Variants in DCAF11 observed in about 807,000 individuals in gnomAD.
DCAF11 encodes DDB1 and CUL4 associated factor 11, also known as DDB1- and CUL4-associated factor 11.
Under a neutral mutation model 76.1 loss-of-function variants are expected in DCAF11, and 44 were observed. The ratio of observed to expected loss-of-function variants is 0.58; its 90% CI spans 0.45 to 0.74. The LOEUF (loss-of-function observed/expected upper bound fraction) is 0.74. DCAF11 is among the 30% of genes least tolerant of loss of function. DCAF11 has a pLI of 0.00. For missense variants in DCAF11, 604 were observed against 709.4 expected, an observed-to-expected ratio of 0.85 and a Z score of 1.69; for synonymous variants, 258 against 255.0, an observed-to-expected ratio of 1.01 and a Z score of -0.11.
chr14:24,119,969 T>C, intron 11 of DCAF11, 73 bp downstream of exon 11: 1 of 1,469,432 alleles, frequency 6.8e-7, no homozygotes, highest in Non-Finnish European at 9.0e-7. Context: ...GAAAGCGGAC[T>C]GGTGTGGGAA....
chr14:24,115,993 A>C (rs1300502118), intron 2 of DCAF11, among the ~76,000 whole-genome samples: 1 of 151,370 alleles, frequency 6.6e-6, no homozygotes, highest in Non-Finnish European at 1.5e-5. Context: ...TATTCAAGGG[A>C]GCCTGTCTCT....
chr14:24,114,843 G>A lies in DCAF11; in HGVS notation c.-664G>A. On this transcript the variant is annotated 5_prime_UTR_variant, in exon 1 of 15. Transcript: ENST00000446197. ...CGTGACGAGCGAAGCGCGTGACGGA[G>A]GAGCGGTTGGCCAACGCAGTGGCGG... 3 of 985,972 alleles carry A rather than the reference G, an allele frequency of 3.0e-6. No homozygotes were observed. The South Asian group carries it at 1.4e-4, about 46-fold the overall frequency. 61.1% of individuals were successfully genotyped at this position (985,972 alleles called of 1,614,324 possible).
In DCAF11 at chr14:24,117,597, G is replaced by C. The variant is rs1344109842; in HGVS notation, c.412-71G>C. The C allele has an allele frequency of 2.6e-6, 4 of 1,565,044 alleles. No individual in the cohort carries two copies. Among genetic ancestry groups the C allele is most frequent in the South Asian group, 1.1e-5 (1 of 89,372 alleles). Reference sequence around the variant, plus strand: ...CTATAACAAGAGCAATATCTTTGGAGGAGGGGGCTTGATATGGCTGAAGTG... The same window carrying C: ...CTATAACAAGAGCAATATCTTTGGACGAGGGGGCTTGATATGGCTGAAGTG... On this transcript the variant is annotated intron_variant, in intron 4 of 14. Coordinates refer to ENST00000446197, the MANE Select transcript of DCAF11 (RefSeq NM_025230.5). This position sits in a 1 kb window ranked among gnomAD's most constrained non-coding sequence, Gnocchi z 4.3.
Position 24,118,408 on chromosome 14 carries a change from G to T in DCAF11, c.598G>T (p.Asp200Tyr). The T allele has an allele frequency of 6.2e-7, 1 of 1,614,218 alleles. No individual in the cohort carries two copies. The highest frequency in any genetic ancestry group is 8.5e-7 in the Non-Finnish European group (1 of 1,180,040). Residue 200 changes from aspartate to tyrosine, a missense_variant, in exon 7 of 15, where the codon GAC becomes TAC. Coordinates refer to ENST00000446197, the MANE Select transcript of DCAF11 (RefSeq NM_025230.5). ...CACAGACCAGACAATCCGACTCTAT[G>T]ACTGCCGATATGGCCGTTTCCGTAA... ...ACQDQTIRLY[D>Y]CRYGRFRKFK...
In DCAF11 at chr14:24,122,844, G is replaced by A. The variant is rs528739333; in HGVS notation, c.1400-127G>A. On this transcript the variant is annotated intron_variant, in intron 13 of 14. Coordinates refer to ENST00000446197, the MANE Select transcript of DCAF11 (RefSeq NM_025230.5). ...AGAAATAACACAGTCTTCTGGTGTG[G>A]GCTTTGCTCCCATGGGAACATGGGA... is the stretch of plus-strand genomic sequence containing the variant. 281 of 750,156 alleles carry A rather than the reference G, an allele frequency of 3.7e-4. No individual in the cohort carries two copies. The African/African-American group carries it at 4.3e-3, about 11-fold the overall frequency. 46.5% of individuals were successfully genotyped at this position (750,156 alleles called of 1,614,324 possible).
chr14:24,118,738 T>C lies in DCAF11; in HGVS notation c.725-12T>C. 1 of 1,614,038 alleles carries C rather than the reference T, an allele frequency of 6.2e-7. No homozygotes were observed. Among genetic ancestry groups the C allele is most frequent in the Non-Finnish European group, 8.5e-7 (1 of 1,179,954 alleles). ...ATCCCTGAAAGATTCTTGTTTTTCT[T>C]GCTTCTCTTAGTTCATATCTGCAAT... On this transcript the variant is annotated splice_polypyrimidine_tract_variant and intron_variant, in intron 7 of 14. Transcript: ENST00000446197.
rs200456732 is a variant in DCAF11 at position 24,123,258 on chromosome 14, C to G, written c.1590C>G (p.Ser530Arg). ...TGCCAGAATCTGAGGAATGTGCCAG[C>G]GCCCCTGCCCCAGTGCCCCAATCCT... ...DDMPESEECA[S>R]APAPVPQSST... Residue 530 changes from serine to arginine, a missense_variant, in exon 15 of 15, where the codon AGC (serine) becomes AGG (arginine). Ser to Arg is a moderately radical substitution (Grantham distance 110). Coordinates refer to ENST00000446197, the MANE Select transcript of DCAF11 (RefSeq NM_025230.5). 1.9e-5 allele frequency: 29 copies of G among 1,561,968 alleles called. No homozygotes were observed. The highest frequency in any genetic ancestry group is 2.5e-5 in the Non-Finnish European group (29 of 1,152,626).
chr14:24,118,117 A>C lies in DCAF11; in HGVS notation c.539A>C (p.Tyr180Ser). Reference sequence around the variant, plus strand: ...TCTCAGAAGGCTTTCTGTGGCATCTACAGCAAAGATGGTCAAATATTCATG... The same window carrying C: ...TCTCAGAAGGCTTTCTGTGGCATCTCCAGCAAAGATGGTCAAATATTCATG... ...SYSQKAFCGI[Y>S]SKDGQIFMSA... The change falls in exon 6 of 15, where the codon TAC becomes TCC. Residue 180 changes from tyrosine (Y) to serine (S), a missense_variant. Coordinates refer to ENST00000446197, the MANE Select transcript of DCAF11 (RefSeq NM_025230.5). 6.2e-7 allele frequency: 1 copy of C among 1,613,156 alleles called. No individual in the cohort carries two copies. The highest frequency in any genetic ancestry group is 8.5e-7 in the Non-Finnish European group (1 of 1,179,712).
intron 11 of DCAF11, among the ~76,000 whole-genome samples, chr14:24,120,495 T>C (rs1236049383): frequency 2.6e-5 from 4 of 151,892 alleles, no homozygotes; most frequent in Non-Finnish European, 5.9e-5. Context: ...AGGCGGAGCT[T>C]GCAGTGAGCC....
Position 24,116,923 on chromosome 14 carries a change from A to G in DCAF11, c.162A>G (p.Gln54=). 6.2e-7 allele frequency: 1 copy of G among 1,614,138 alleles called. No individual in the cohort carries two copies. The highest frequency in any genetic ancestry group is 8.5e-7 in the Non-Finnish European group (1 of 1,180,012). Residue 54 remains glutamine, a synonymous_variant, in exon 3 of 15, where the codon CAA becomes CAG. Transcript: ENST00000446197. ...AATGGGGGTCTCTCCACAGAGGCCA[A>G]GTGAGGTTGGTGCAGGGAGGAGGTG... ...QVLAYLLRRG[Q]VRLVQGGGAA...
chr14:24,117,611 A>G lies in DCAF11; in HGVS notation c.412-57A>G. ...ATATCTTTGGAGGAGGGGGCTTGAT[A>G]TGGCTGAAGTGGCCCTCTATTTCTG... On this transcript the variant is annotated intron_variant, in intron 4 of 14. Transcript: ENST00000446197. This position sits in a 1 kb window ranked among gnomAD's most constrained non-coding sequence, Gnocchi z 4.3. 1.3e-6 allele frequency: 2 copies of G among 1,589,646 alleles called. No homozygotes were observed. Among genetic ancestry groups the G allele is most frequent in the East Asian group, 2.2e-5 (1 of 44,506 alleles).
In DCAF11 at chr14:24,120,849, G is replaced by A; in HGVS notation, c.1104G>A (p.Arg368=). ...ITFIDSKGDA[R]YLISNSKDQT... The stretch of plus-strand genomic sequence containing the variant: ...CTTTGGATTCATAGGGTGATGCCCG[G>A]TATCTGATCTCCAACTCTAAAGACC... Residue 368 remains arginine (R), a synonymous_variant, in exon 12 of 15, where the codon CGG becomes CGA. Coordinates refer to ENST00000446197, the MANE Select transcript of DCAF11 (RefSeq NM_025230.5). 6.2e-7 allele frequency: 1 copy of A among 1,614,192 alleles called. No individual in the cohort carries two copies. The highest frequency in any genetic ancestry group is 8.5e-7 in the Non-Finnish European group (1 of 1,180,028).
chr14:24,121,028 T>G, intron 12 of DCAF11, 37 bp downstream of exon 12: 1 of 1,609,998 alleles, frequency 6.2e-7, no homozygotes, highest in Non-Finnish European at 8.5e-7. Flanking sequence ...GATTTGTCTG[T>G]AGCCTGGGAG....
chr14:24,119,695 C>T lies in DCAF11; in HGVS notation c.907-16C>T, dbSNP rs779020335. 1 of 1,614,146 alleles carries T rather than the reference C, an allele frequency of 6.2e-7. No homozygotes were observed. Among genetic ancestry groups the T allele is most frequent in the South Asian group, 1.1e-5 (1 of 91,086 alleles). ...CCTAGAAAGAGGTCTTATATCCTGG[C>T]CTCCTTTTCGCCTAGATTGAGTCCC... is the stretch of plus-strand genomic sequence containing the variant. On this transcript the variant is annotated splice_polypyrimidine_tract_variant and intron_variant, in intron 10 of 14. Transcript: ENST00000446197.
intron 2 of DCAF11, among the ~76,000 whole-genome samples, chr14:24,116,062 C>T (rs1038236951): frequency 2.0e-5 from 3 of 149,698 alleles, no homozygotes; most frequent in African/African-American, 4.9e-5. Flanking sequence ...AGGGGGGGGT[C>T]CTAGTGGGAA....
Position 24,115,281 on chromosome 14 carries a change from G to C in DCAF11, c.-226G>C, listed in dbSNP as rs1490272577. On this transcript the variant is annotated 5_prime_UTR_variant, in exon 1 of 15. Transcript: ENST00000446197. The stretch of plus-strand genomic sequence containing the variant: ...AACACCCCTCCCGCTCCCCAGTCCG[G>C]GGACTTCGATAGGTGAGTTTGGTGT... The C allele has an allele frequency of 4.3e-6, 1 of 231,992 alleles. No individual in the cohort carries two copies. Among genetic ancestry groups the C allele is most frequent in the Admixed American group, 5.8e-5 (1 of 17,280 alleles). 14.4% of individuals were successfully genotyped at this position (231,992 alleles called of 1,614,324 possible). A position where few individuals can be genotyped will look rare whatever the true frequency, so the allele number is the denominator to read the frequency against.
Position 24,123,777 on chromosome 14 carries a change from G to A in DCAF11, c.*468G>A, listed in dbSNP as rs11549425. 3,046 of 154,620 alleles carry A rather than the reference G, an allele frequency of 0.02. 105 individuals carry two copies. The highest frequency in any genetic ancestry group is 0.069 in the African/African-American group (2,865 of 41,574). 9.6% of individuals were successfully genotyped at this position (154,620 alleles called of 1,614,324 possible). A position where few individuals can be genotyped will look rare whatever the true frequency, so the allele number is the denominator to read the frequency against. On this transcript the variant is annotated 3_prime_UTR_variant, in exon 15 of 15. Coordinates refer to ENST00000446197, the MANE Select transcript of DCAF11 (RefSeq NM_025230.5). The stretch of plus-strand genomic sequence containing the variant: ...TCTCTAGGGGAGGGGCATGGGTAAG[G>A]GTGTTTCCTCAGCACCCTCCTGGGG...
intron 8 of DCAF11, 73 bp from the exon 9 acceptor site, chr14:24,119,072 C>T (rs1331546398): frequency 6.3e-7 from 1 of 1,592,242 alleles, no homozygotes; most frequent in African/African-American, 1.3e-5. Flanking sequence ...TGCCTTACAA[C>T]CGTTGTCAGA....
chr14:24,121,308 C>G (rs751283366), intron 12 of DCAF11, 57 bp from the exon 13 acceptor site: 2 of 1,606,116 alleles, frequency 1.2e-6, no homozygotes, highest in East Asian at 2.2e-5. Context: ...ACTGGTGGTA[C>G]GAAACAATCC....
Sources: allele counts gnomAD v4.1 joint callset (sites outside exome capture counted in the v4.1 genomes callset), GRCh38; gene constraint gnomAD v4.1.1; non-coding constraint Gnocchi (gnomAD v3.1); transcripts MANE v1.5; gene names NCBI Gene and HGNC (gene_info 2026-07-23, HGNC 2026-07-21).